Variants in P2RX5 observed in about 807,000 individuals in gnomAD.
The protein encoded by P2RX5 is purinergic receptor P2X 5, also known as P2X purinoceptor 5.
P2RX5 carries 46 observed loss-of-function variants against 54.1 expected under a neutral mutation model. The ratio of observed to expected loss-of-function variants is 0.85; its 90% CI spans 0.67 to 1.09. P2RX5 has a LOEUF of 1.09. Ranked by LOEUF, P2RX5 falls within the 50% of genes least tolerant of loss-of-function variation. The pLI is 0.00. For synonymous variants in P2RX5, 226 were observed against 226.4 expected, an observed-to-expected ratio of 1.00 and a Z score of 0.02; for missense variants, 566 against 549.8, an observed-to-expected ratio of 1.03 and a Z score of -0.29.
At chr17:3,700,494 C>T (rs368203743), upstream of P2RX5, among the ~76,000 whole-genome samples, 571 of 151,090 alleles carry the variant, frequency 3.8e-3, 4 homozygotes, top group African/African-American at 0.014. Context: ...GACTGTGCCA[C>T]TGCACTCCAG....
intron 1 of P2RX5, among the ~76,000 whole-genome samples, chr17:3,692,599 T>TG (rs1169454379): frequency 6.6e-6 from 1 of 152,096 alleles, no homozygotes. Context: ...CCTAGCACTT[T>TG]GGGAGACCAA....
At chr17:3,722,820 G>C in the P2RX5 span, among the ~76,000 whole-genome samples, 1 of 152,170 alleles carries the variant, frequency 6.6e-6, no homozygotes, top group East Asian at 1.9e-4. Context: ...TAATAAGCAG[G>C]GGAATGGCAC....
intron 6 of P2RX5, among the ~76,000 whole-genome samples, 173 bp downstream of exon 6, chr17:3,689,897 C>A (rs553747280): frequency 6.6e-6 from 1 of 152,032 alleles, no homozygotes; most frequent in Non-Finnish European, 1.5e-5. Flanking sequence ...CACAAACGCA[C>A]GCACACATGC....
chr17:3,691,485 G>A (rs2050615846), intron 2 of P2RX5, among the ~76,000 whole-genome samples, 159 bp downstream of exon 2: 1 of 152,210 alleles, frequency 6.6e-6, no homozygotes, highest in South Asian at 2.1e-4. Context: ...TGGGAGGTAG[G>A]ATCTGGACAG....
At position 3,679,650 on chromosome 17, in the gene P2RX5, C is replaced by A. The variant is rs779942046; in HGVS notation, c.1199G>T (p.Arg400Leu). 1 of 1,610,566 alleles carries A rather than the reference C, an allele frequency of 6.2e-7. No homozygotes were observed. The highest frequency in any genetic ancestry group is 1.7e-5 in the Admixed American group (1 of 59,998). The change falls in exon 11 of 12, where the codon CGT becomes CTT. Residue 400 changes from arginine (R) to leucine (L), a missense_variant. Transcript: ENST00000225328. ...GTTCCCCTTCTGACTGCTGCTTCCACGCTTCGCCTCGGGTGGCTCCTGCAG... is the reference window on the plus strand; with the variant it reads ...GTTCCCCTTCTGACTGCTGCTTCCAAGCTTCGCCTCGGGTGGCTCCTGCAG... ...QELQEPPEAK[R>L]GSSSQKGNGS...
chr17:3,689,952 G>A (rs772283444), intron 6 of P2RX5, 118 bp downstream of exon 6: 32 of 933,002 alleles, frequency 3.4e-5, no homozygotes, highest in Non-Finnish European at 4.5e-5. Context: ...GCGAACACAC[G>A]CACACACGTG....
rs1411160741 is a variant in P2RX5, at chr17:3,688,709, A to G, written c.804T>C (p.Ala268=). ...AATAGTGAGGGTGGCACTCAGAGGC[A>G]GCTTTATCAAGATCACAGTTCCATT... The part of the protein sequence containing the change: ...NIEWNCDLDK[A]ASECHPHYSF... The change falls in exon 8 of 12, where the codon GCT becomes GCC. Residue 268 remains alanine, a synonymous_variant. Transcript: ENST00000225328. 1 of 1,613,736 alleles carries G rather than the reference A, an allele frequency of 6.2e-7. No homozygotes were observed. The highest frequency in any genetic ancestry group is 2.2e-5 in the East Asian group (1 of 44,886).
rs1294532664 is a variant in P2RX5 at position 3,673,238 on chromosome 17, C to T, written c.*630G>A. 2 of 987,142 alleles carry T rather than the reference C, an allele frequency of 2.0e-6. No homozygotes were observed. The highest frequency in any genetic ancestry group is 2.4e-6 in the Non-Finnish European group (2 of 830,998). 61.1% of individuals were successfully genotyped at this position (987,142 alleles called of 1,614,324 possible). Reference sequence around the variant, plus strand: ...AAAATCAGGACACGTTTGAAATTGACACCATTTATTGTTTTATGACCAAAT... The same window carrying T: ...AAAATCAGGACACGTTTGAAATTGATACCATTTATTGTTTTATGACCAAAT... On this transcript the variant is annotated 3_prime_UTR_variant, in exon 12 of 12. Transcript: ENST00000225328.
At chr17:3,675,574 G>A (rs371809073) in intron 11 of P2RX5, 1 of 962,494 alleles carries the variant, frequency 1.0e-6, no homozygotes, top group Non-Finnish European at 1.2e-6. Flanking sequence ...TTTTTTTTGA[G>A]ACTGAGTCTC....
chr17:3,703,915 A>G, the P2RX5 span, among the ~76,000 whole-genome samples: 1 of 152,246 alleles, frequency 6.6e-6, no homozygotes, highest in African/African-American at 2.4e-5. Context: ...AGCCTGACCA[A>G]CATGGAGAAA....
chr17:3,723,358 C>T, the P2RX5 span: 5 of 1,613,536 alleles, frequency 3.1e-6, no homozygotes, highest in Admixed American at 1.7e-5. Flanking sequence ...GATGACACAG[C>T]TCACTGAATG....
In P2RX5 at chr17:3,673,687, C is replaced by A; in HGVS notation, c.*181G>T. On this transcript the variant is annotated 3_prime_UTR_variant, in exon 12 of 12. Coordinates refer to ENST00000225328, the MANE Select transcript of P2RX5 (RefSeq NM_002561.4). ...AGCCATGATGGGTCCGTCCTGATGACCCCAGCATCAGACGTGGAGGTCACT... is the reference window on the plus strand; with the variant it reads ...AGCCATGATGGGTCCGTCCTGATGAACCCAGCATCAGACGTGGAGGTCACT... 1 of 1,535,056 alleles carries A rather than the reference C, an allele frequency of 6.5e-7. No homozygotes were observed. The highest frequency in any genetic ancestry group is 1.4e-5 in the African/African-American group (1 of 73,326).
intron 7 of P2RX5, among the ~76,000 whole-genome samples, chr17:3,689,007 A>G (rs2050526788): frequency 6.6e-6 from 1 of 152,210 alleles, no homozygotes; most frequent in Non-Finnish European, 1.5e-5. Context: ...GCCTCTCTGG[A>G]CAGGCACTTC....
chr17:3,720,642 T>A, the P2RX5 span: 1 of 321,028 alleles, frequency 3.1e-6, no homozygotes, highest in Non-Finnish European at 5.8e-6. Flanking sequence ...AGTGAAGTGG[T>A]GCGATCTCGG....
rs2050137783 is a variant in P2RX5, at chr17:3,677,771, G to C, written c.1259+1819C>G. Reference sequence around the variant, plus strand: ...ACATGTTTACAGCTCATATGAATGAGTGAAGGTGCAGCCAGGTTGAGGGAA... The same window carrying C: ...ACATGTTTACAGCTCATATGAATGACTGAAGGTGCAGCCAGGTTGAGGGAA... On this transcript the variant is annotated intron_variant, in intron 11 of 11. Transcript: ENST00000225328. The C allele has an allele frequency of 5.1e-6, 5 of 985,300 alleles. No homozygotes were observed. In the South Asian group the frequency reaches 1.9e-4, roughly 37 times the overall value. 61.0% of individuals were successfully genotyped at this position (985,300 alleles called of 1,614,324 possible).
rs61508734 is a variant in P2RX5, at chr17:3,677,358, G to A, written c.1259+2232C>T. On this transcript the variant is annotated intron_variant, in intron 11 of 11. Transcript: ENST00000225328. Reference sequence around the variant, plus strand: ...CCCCGGGCGTCCCGAGGCTGGTGGAGTCAGATGGAGCAGAGGCCTCTTGCC... The same window carrying A: ...CCCCGGGCGTCCCGAGGCTGGTGGAATCAGATGGAGCAGAGGCCTCTTGCC... The A allele has an allele frequency of 0.024, 22,834 of 963,064 alleles. 3,889 individuals are homozygous for A. In the African/African-American group the frequency reaches 0.38, roughly 16 times the overall value. The allele number at this position is 963,064 out of a possible 1,614,324, so 59.7% of individuals were successfully genotyped here. A position where few individuals can be genotyped will look rare whatever the true frequency, so the allele number is the denominator to read the frequency against.
chr17:3,685,642 C>A (rs1333420801), intron 9 of P2RX5: 1 of 92,122 alleles, frequency 1.1e-5, no homozygotes, highest in Non-Finnish European at 2.8e-5. Flanking sequence ...CCCAGGGACC[C>A]TCCCAGCGTC....
At position 3,690,707 on chromosome 17, in the gene P2RX5, T is replaced by TG. The variant is rs200346347; in HGVS notation, c.361-28dup. The stretch of plus-strand genomic sequence containing the variant: ...TGCCAGGAGAGAAGGGGCACCTGGA[T>TG]GGGGGGGTTCCCCCAGCTCAGAGCC... On this transcript the variant is annotated intron_variant, in intron 3 of 11. Transcript: ENST00000225328. The TG allele has an allele frequency of 2.0e-3, 3,168 of 1,609,454 alleles. 17 individuals carry two copies. Among genetic ancestry groups the TG allele is most frequent in the African/African-American group, 0.014 (1,086 of 74,968 alleles).
chr17:3,688,802 G>GA, intron 7 of P2RX5, 43 bp from the exon 8 acceptor site: 1 of 1,608,698 alleles, frequency 6.2e-7, no homozygotes, highest in Admixed American at 1.7e-5. Flanking sequence ...CAGCTTTCCG[G>GA]AGACGGACAG....
Sources: allele counts gnomAD v4.1 joint callset (sites outside exome capture counted in the v4.1 genomes callset), GRCh38; gene constraint gnomAD v4.1.1; transcripts MANE v1.5; gene names NCBI Gene and HGNC (gene_info 2026-07-23, HGNC 2026-07-21).